TAX1BP1: variants seen among roughly 807,000 people sequenced by gnomAD.
TAX1BP1 encodes the protein Tax1 binding protein 1.
In TAX1BP1, 62 loss-of-function variants were observed where a neutral mutation model predicts 97.7. The observed-to-expected ratio is 0.63, with a 90% CI of 0.52 to 0.78. The LOEUF is 0.78. Among genes scored for constraint, TAX1BP1 ranks in the 30% least tolerant of loss-of-function variants. The pLI, the probability that TAX1BP1 is intolerant of heterozygous loss-of-function variation, is 0.00. For missense variants in TAX1BP1, 867 were observed against 916.1 expected, an observed-to-expected ratio of 0.95 and a Z score of 0.69; for synonymous variants, 340 against 304.2, an observed-to-expected ratio of 1.12 and a Z score of -1.23.
chr7:27,803,024 G>C (rs1048921910), intron 13 of TAX1BP1: 2 of 1,281,002 alleles, frequency 1.6e-6, no homozygotes, highest in East Asian at 2.7e-5. Context: ...AATTATTTTC[G>C]TAAAACAGTA....
chr7:27,753,070 T>A (rs1214825793), intron 2 of TAX1BP1, among the ~76,000 whole-genome samples: 3 of 152,110 alleles, frequency 2.0e-5, no homozygotes, highest in Non-Finnish European at 4.4e-5. Context: ...GAGGCTGAAG[T>A]GGGCAGATCA....
chr7:27,808,257 T>C (rs1487082760), intron 13 of TAX1BP1, among the ~76,000 whole-genome samples: 1 of 152,198 alleles, frequency 6.6e-6, no homozygotes, highest in African/African-American at 2.4e-5. Context: ...CAAAAAACTA[T>C]GAGTAAATAC....
chr7:27,801,516 G>T (rs550929937), intron 13 of TAX1BP1, among the ~76,000 whole-genome samples: 2 of 152,210 alleles, frequency 1.3e-5, no homozygotes, highest in East Asian at 3.9e-4. Context: ...TAGGAAAATG[G>T]TTTAGTAAAT....
chr7:27,759,910 A>G (rs1264433395), intron 3 of TAX1BP1, among the ~76,000 whole-genome samples: 3 of 150,470 alleles, frequency 2.0e-5, no homozygotes, highest in Admixed American at 6.6e-5. Flanking sequence ...CTGGAGTGCA[A>G]TGGTGTGATC....
chr7:27,764,992 G>A (rs1214553019), intron 3 of TAX1BP1, among the ~76,000 whole-genome samples: 1 of 1,536 alleles, frequency 6.5e-4, no homozygotes. Flanking sequence ...CTTATAGATT[G>A]TCTGCCTCTC....
chr7:27,756,191 A>T (rs561871012), intron 2 of TAX1BP1, among the ~76,000 whole-genome samples: 1 of 152,134 alleles, frequency 6.6e-6, no homozygotes, highest in Non-Finnish European at 1.5e-5. Flanking sequence ...TTCCAGTATT[A>T]TCCACTCTAG....
At chr7:27,756,697 A>G (rs1353515696) in intron 2 of TAX1BP1, among the ~76,000 whole-genome samples, 3 of 152,156 alleles carry the variant, frequency 2.0e-5, no homozygotes, top group Admixed American at 6.5e-5. Flanking sequence ...AGTGTTTGCC[A>G]TGGATTAGGC....
intron 9 of TAX1BP1, 29 bp from the exon 10 acceptor site, chr7:27,793,037 T>A: frequency 6.4e-7 from 1 of 1,567,174 alleles, no homozygotes; most frequent in Non-Finnish European, 8.6e-7. Context: ...GATTTTTATT[T>A]TTTTCTTCAA....
chr7:27,781,690 T>C (rs1007722836), intron 5 of TAX1BP1, among the ~76,000 whole-genome samples: 5 of 152,066 alleles, frequency 3.3e-5, no homozygotes, highest in Admixed American at 6.6e-5. Flanking sequence ...TATTGTATAC[T>C]TAGACTACAC....
intron 13 of TAX1BP1, among the ~76,000 whole-genome samples, chr7:27,802,187 G>A (rs1023455204): frequency 6.6e-6 from 1 of 152,140 alleles, no homozygotes; most frequent in Non-Finnish European, 1.5e-5. Flanking sequence ...ATGGAATTTC[G>A]GTGCTAGTTC....
At chr7:27,828,583 C>T (rs574580283) in intron 16 of TAX1BP1, 45 bp from the exon 17 acceptor site, 2 of 1,575,832 alleles carry the variant, frequency 1.3e-6, no homozygotes, top group Non-Finnish European at 1.7e-6. Flanking sequence ...AGTTGTTGTT[C>T]TACATTTATT....
At chr7:27,764,652 C>A (rs1004938260) in intron 3 of TAX1BP1, among the ~76,000 whole-genome samples, 1 of 151,968 alleles carries the variant, frequency 6.6e-6, no homozygotes, top group Non-Finnish European at 1.5e-5. Context: ...CTTGTTTCTC[C>A]TCATATTTTC....
At chr7:27,753,273 C>A (rs894462455) in intron 2 of TAX1BP1, among the ~76,000 whole-genome samples, 4 of 151,912 alleles carry the variant, frequency 2.6e-5, no homozygotes, top group Admixed American at 1.3e-4. Context: ...GCACTCCAGC[C>A]TGGGCGACAG....
intron 8 of TAX1BP1, among the ~76,000 whole-genome samples, chr7:27,791,345 TATA>T (rs1789699276): frequency 6.6e-6 from 1 of 152,184 alleles, no homozygotes; most frequent in African/African-American, 2.4e-5. Context: ...GTTTAAATGT[TATA>T]ATGTTTAAAC....
At chr7:27,812,975 C>T (rs766409538) in intron 13 of TAX1BP1, among the ~76,000 whole-genome samples, 2 of 152,148 alleles carry the variant, frequency 1.3e-5, no homozygotes, top group Non-Finnish European at 2.9e-5. Flanking sequence ...GTAGTTGCAA[C>T]AGAGACTGTG....
intron 1 of TAX1BP1, among the ~76,000 whole-genome samples, chr7:27,746,488 C>T (rs550713041): frequency 6.6e-6 from 1 of 151,220 alleles, no homozygotes; most frequent in East Asian, 1.9e-4. Context: ...TCATGACCTC[C>T]CTGGGAGCCC....
intron 13 of TAX1BP1, among the ~76,000 whole-genome samples, chr7:27,814,696 AT>A (rs1392209698): frequency 6.6e-6 from 1 of 151,918 alleles, no homozygotes; most frequent in Non-Finnish European, 1.5e-5. Flanking sequence ...TTACATATTG[AT>A]CTTGTATACT....
In TAX1BP1 at chr7:27,769,747, A is replaced by G. The variant is rs1442288254; in HGVS notation, c.525A>G (p.Thr175=). 1.2e-6 allele frequency: 2 copies of G among 1,612,740 alleles called. No homozygotes were observed. The highest frequency in any genetic ancestry group is 1.7e-6 in the Non-Finnish European group (2 of 1,179,106). Reference sequence around the variant, plus strand: ...TAATTGCCGTTCTGGAAAAAGAAACAGCACAACTTCGAGAACAAGTTGGGA... The same window carrying G: ...TAATTGCCGTTCTGGAAAAAGAAACGGCACAACTTCGAGAACAAGTTGGGA... ...LKLIAVLEKE[T]AQLREQVGRM... is the part of the protein sequence containing the mutation. Residue 175 remains threonine (T), a synonymous_variant, in exon 5 of 17, where the codon ACA becomes ACG. Transcript: ENST00000396319.
At chr7:27,747,968 T>A (rs748224265) in intron 1 of TAX1BP1, among the ~76,000 whole-genome samples, 43 of 151,986 alleles carry the variant, frequency 2.8e-4, no homozygotes, top group Admixed American at 6.6e-4. Flanking sequence ...ACAGAGATGT[T>A]AGCGTCAGGT....
Sources: gnomAD v4.1 joint callset for allele counts (sites outside exome capture counted in the v4.1 genomes callset) on GRCh38, gnomAD v4.1.1 for gene constraint, MANE v1.5 for transcripts, NCBI Gene and HGNC (gene_info 2026-07-23, HGNC 2026-07-21) for gene names.